OCSTAMP: variants seen among roughly 807,000 people sequenced by gnomAD.
OCSTAMP encodes osteoclast stimulatory transmembrane protein.
Under a neutral mutation model 25.2 loss-of-function variants are expected in OCSTAMP, and 17 were observed. The ratio of observed to expected loss-of-function variants is 0.68; its 90% CI spans 0.46 to 1.01. The LOEUF (loss-of-function observed/expected upper bound fraction) is 1.01. Ranked by LOEUF, OCSTAMP falls within the 50% of genes least tolerant of loss-of-function variation. The pLI, the probability that OCSTAMP is intolerant of heterozygous loss-of-function variation, is 0.00. For missense variants in OCSTAMP, 664 were observed against 694.6 expected (o/e 0.96, Z 0.50); for synonymous variants, 345 against 318.9 (o/e 1.08, Z -0.87).
At chr20:46,547,779 A>G (rs920003423) in intron 1 of OCSTAMP, among the ~76,000 whole-genome samples, 2 of 152,218 alleles carry the variant, frequency 1.3e-5, no homozygotes, top group African/African-American at 2.4e-5. Flanking sequence ...CTAAAACAGC[A>G]GGGAGATGAA....
In OCSTAMP at chr20:46,541,701, AG is replaced by A; in HGVS notation, c.1273del (p.Leu425CysfsTer39). 1 of 1,549,218 alleles carries A rather than the reference AG, an allele frequency of 6.5e-7. No individual in the cohort carries two copies. ...TVLLEAYARR[L>X]RHAIAASFFT... ...GAAGGAAGCGGCGATGGCATGCCGCAGGCGGCGGGCGTAGGCCTCCAGGAGC... is the reference window on the plus strand; with the variant it reads ...GAAGGAAGCGGCGATGGCATGCCGCAGCGGCGGGCGTAGGCCTCCAGGAGC... On this transcript the variant is annotated frameshift_variant, in exon 3 of 3. Coordinates refer to ENST00000279028, the MANE Select transcript of OCSTAMP (RefSeq NM_080721.3). LOFTEE classifies it low-confidence loss of function (END_TRUNC).
Position 46,545,657 on chromosome 20 carries a change from C to T in OCSTAMP, c.717G>A (p.Val239=). 3 of 1,551,750 alleles carry T rather than the reference C, an allele frequency of 1.9e-6. No homozygotes were observed. The highest frequency in any genetic ancestry group is 1.7e-6 in the Non-Finnish European group (2 of 1,147,000). Residue 239 remains valine (V), a synonymous_variant, in exon 2 of 3, where the codon GTG becomes GTA. Transcript: ENST00000279028. ...VTGLFMLGLL[V]ESAWYLHCYL... is the part of the protein sequence containing the mutation. ...AGCAATGGAGGTACCATGCCGACTC[C>T]ACCAGGAGGCCCAACATAAACAGCC...
intron 1 of OCSTAMP, among the ~76,000 whole-genome samples, chr20:46,547,712 G>C (rs1224864709): frequency 6.6e-6 from 1 of 152,140 alleles, no homozygotes; most frequent in Non-Finnish European, 1.5e-5. Flanking sequence ...CAGGAGAGAC[G>C]GGAAGGAGAA....
At chr20:46,546,778 A>G (rs1033183109) in intron 1 of OCSTAMP, among the ~76,000 whole-genome samples, 29 of 152,186 alleles carry the variant, frequency 1.9e-4, no homozygotes, top group African/African-American at 5.8e-4. Context: ...TGGACCTTCT[A>G]TTCTTTCTGA....
chr20:46,541,888 T>TA lies in OCSTAMP; in HGVS notation c.1086_1087insT (p.Asn363Ter), dbSNP rs759571390. 6.8e-7 allele frequency: 1 copy of TA among 1,461,980 alleles called. No individual in the cohort carries two copies. Among genetic ancestry groups the TA allele is most frequent in the African/African-American group, 1.4e-5 (1 of 69,148 alleles). The allele number at this position is 1,461,980 out of a possible 1,614,324, so 90.6% of individuals were successfully genotyped here. On this transcript the variant is annotated frameshift_variant, in exon 3 of 3. Coordinates refer to ENST00000279028, the MANE Select transcript of OCSTAMP (RefSeq NM_080721.3). LOFTEE classifies it low-confidence loss of function (END_TRUNC). ...AAGGGGCTCTCCGGAGCCAGCTGGTTGAAGAGGAAAGGGATGAAGCCCAGG... is the reference window on the plus strand; with the variant it reads ...AAGGGGCTCTCCGGAGCCAGCTGGTTAGAAGAGGAAAGGGATGAAGCCCAGG...
intron 2 of OCSTAMP, among the ~76,000 whole-genome samples, chr20:46,542,591 T>C (rs1186806104): frequency 5.2e-5 from 2 of 38,178 alleles, no homozygotes; most frequent in Non-Finnish European, 5.5e-5. Context: ...AAAAAAAAGA[T>C]GGGAAGCCCA....
Position 46,541,837 on chromosome 20 carries a change from A to G in OCSTAMP, c.1138T>C (p.Trp380Arg), listed in dbSNP as rs2061835682. The G allele has an allele frequency of 6.8e-7, 1 of 1,475,602 alleles. No homozygotes were observed. Among genetic ancestry groups the G allele is most frequent in the East Asian group, 2.5e-5 (1 of 40,288 alleles). 91.4% of individuals were successfully genotyped at this position (1,475,602 alleles called of 1,614,324 possible). Residue 380 changes from tryptophan (W) to arginine (R), a missense_variant, in exon 3 of 3, where the codon TGG (tryptophan) becomes CGG (arginine). Trp to Arg is a moderately radical substitution (Grantham distance 101, BLOSUM62 -3). Transcript: ENST00000279028. ...CGGGCGGAGGTGAGGCGGAGCTCCC[A>G]TTGGTAGGAGCTGTGGACGGAGAGG... ...PFLSVHSSYQ[W>R]ELRLTSARCP...
Position 46,543,180 on chromosome 20 carries a change from C to T in OCSTAMP, c.1048-1253G>A, listed in dbSNP as rs573340030. Among the ~76,000 whole-genome samples the T allele has an allele frequency of 2.0e-5, 3 of 151,524 alleles. 1 individual carries two copies. The South Asian group carries it at 6.3e-4, about 32-fold the overall frequency. ...CCTTCCTCCCTTCCTTCCTTCGTCC[C>T]TCCCTCTCTCTCTCATTCCTTCCTT... On this transcript the variant is annotated intron_variant, in intron 2 of 2. Transcript: ENST00000279028.
chr20:46,550,518 C>T lies in OCSTAMP; in HGVS notation c.43G>A (p.Gly15Arg), dbSNP rs554705141. The T allele has an allele frequency of 3.4e-4, 532 of 1,551,604 alleles. 6 individuals carry two copies. In the South Asian group the frequency reaches 5.8e-3, roughly 17 times the overall value. The change falls in exon 1 of 3, where the codon GGG (glycine) becomes AGG (arginine). Residue 15 changes from glycine to arginine, a missense_variant and splice_region_variant. Gly to Arg is a moderately radical substitution (Grantham distance 125). Transcript: ENST00000279028. ...AGTGTCCAAAGTCCCCAGACCTACCCGGTCTTGACAAGTTGCTCAGCTGCT... is the reference window on the plus strand; with the variant it reads ...AGTGTCCAAAGTCCCCAGACCTACCTGGTCTTGACAAGTTGCTCAGCTGCT... Reference protein sequence around the residue: ...PGAAEQLVKTGWRSWHLGFWK... With the variant: ...PGAAEQLVKTRWRSWHLGFWK...
At chr20:46,545,121 C>T (rs2061846723) in intron 2 of OCSTAMP, among the ~76,000 whole-genome samples, 2 of 152,136 alleles carry the variant, frequency 1.3e-5, no homozygotes, top group Non-Finnish European at 2.9e-5. Flanking sequence ...TCCTCAACTG[C>T]AATAGGAAGT....
At chr20:46,550,418 G>T in intron 1 of OCSTAMP, 99 bp downstream of exon 1, 3 of 1,057,464 alleles carry the variant, frequency 2.8e-6, no homozygotes, top group Non-Finnish European at 4.3e-6. Flanking sequence ...ACATAGCCAA[G>T]GAATGGCAGA....
chr20:46,550,262 T>C (rs112791145), intron 1 of OCSTAMP, among the ~76,000 whole-genome samples: 3,590 of 152,268 alleles, frequency 0.024, 92 homozygotes, highest in East Asian at 0.068. Flanking sequence ...GTTTAGTGAG[T>C]GCTTCCTCTG....
intron 1 of OCSTAMP, among the ~76,000 whole-genome samples, chr20:46,548,828 G>A (rs1641033582): frequency 6.6e-6 from 1 of 152,134 alleles, no homozygotes; most frequent in Non-Finnish European, 1.5e-5. Context: ...CACCGTGACT[G>A]GTGCAGGGAT....
intron 1 of OCSTAMP, among the ~76,000 whole-genome samples, chr20:46,547,002 A>G (rs890114727): frequency 6.6e-6 from 1 of 152,216 alleles, no homozygotes; most frequent in African/African-American, 2.4e-5. Flanking sequence ...GCAGAGGAGT[A>G]GTAAGGAAAG....
intron 1 of OCSTAMP, among the ~76,000 whole-genome samples, chr20:46,546,649 G>A (rs942526785): frequency 6.6e-6 from 1 of 152,168 alleles, no homozygotes; most frequent in Admixed American, 6.5e-5. Flanking sequence ...TGGCCCAAGA[G>A]AATGAAAGAG....
Position 46,541,662 on chromosome 20 carries a change from T to TC in OCSTAMP, c.1312dup (p.Glu438GlyfsTer58). ...GTGCAGGTGGCGGACCCTCCTCGCC[T>TC]CCTGGGCTGTGAAGAAGGAAGCGGC... On this transcript the variant is annotated frameshift_variant, in exon 3 of 3. Coordinates refer to ENST00000279028, the MANE Select transcript of OCSTAMP (RefSeq NM_080721.3). LOFTEE classifies it low-confidence loss of function (END_TRUNC). 6 of 1,550,834 alleles carry TC rather than the reference T, an allele frequency of 3.9e-6. No individual in the cohort carries two copies. Among genetic ancestry groups the TC allele is most frequent in the Non-Finnish European group, 4.4e-6 (5 of 1,146,962 alleles).
chr20:46,545,646 CA>C lies in OCSTAMP; in HGVS notation c.727del (p.Trp243GlyfsTer7). 1.3e-6 allele frequency: 2 copies of C among 1,551,728 alleles called. 1 individual carries two copies. Among genetic ancestry groups the C allele is most frequent in the Admixed American group, 3.9e-5 (2 of 51,010 alleles). On this transcript the variant is annotated frameshift_variant, in exon 2 of 3. Transcript: ENST00000279028. LOFTEE classifies it high-confidence loss of function. Reference protein sequence around the residue: ...FMLGLLVESAWYLHCYLTDLR... With the variant: ...FMLGLLVESAXYLHCYLTDLR... ...GTCTGTCAGGTAGCAATGGAGGTAC[CA>C]TGCCGACTCCACCAGGAGGCCCAAC...
Position 46,545,422 on chromosome 20 carries a change from C to T in OCSTAMP, c.952G>A (p.Ala318Thr). 1 of 1,549,850 alleles carries T rather than the reference C, an allele frequency of 6.5e-7. No individual in the cohort carries two copies. ...AGGAGGAAGGCTACATGGTCTGTGG[C>T]CACCGCCACAGCCGTGGCCACGAGG... ...LLLVATAVAV[A>T]TDHVAFLLAQ... The change falls in exon 2 of 3, where the codon GCC becomes ACC. Residue 318 changes from alanine (A) to threonine (T), a missense_variant. Transcript: ENST00000279028.
rs772700992 is a variant in OCSTAMP, at chr20:46,545,616, C to T, written c.758G>A (p.Arg253Gln). Residue 253 changes from arginine to glutamine, a missense_variant, in exon 2 of 3, where the codon CGG becomes CAG. Arg to Gln is a conservative substitution (Grantham distance 43). Coordinates refer to ENST00000279028, the MANE Select transcript of OCSTAMP (RefSeq NM_080721.3). ...WYLHCYLTDL[R>Q]FDNIYATQQL... ...TTGAGTGGCGTAGATATTGTCAAACCGCAGGTCTGTCAGGTAGCAATGGAG... is the reference window on the plus strand; with the variant it reads ...TTGAGTGGCGTAGATATTGTCAAACTGCAGGTCTGTCAGGTAGCAATGGAG... 2.0e-5 allele frequency: 31 copies of T among 1,551,570 alleles called. No homozygotes were observed. The highest frequency in any genetic ancestry group is 1.2e-4 in the East Asian group (5 of 40,924).
Sources: gnomAD v4.1 joint callset for allele counts (sites outside exome capture counted in the v4.1 genomes callset) on GRCh38, gnomAD v4.1.1 for gene constraint, MANE v1.5 for transcripts, NCBI Gene and HGNC (gene_info 2026-07-23, HGNC 2026-07-21) for gene names.